The following GRM7 variants were observed in gnomAD, a reference collection of about 807,000 sequenced individuals.
GRM7 encodes the protein glutamate metabotropic receptor 7, also known as metabotropic glutamate receptor 7.
A neutral mutation model predicts 84.5 loss-of-function variants in GRM7; 35 were observed. The ratio of observed to expected loss-of-function variants is 0.41; its 90% CI spans 0.32 to 0.55. The LOEUF is 0.55. Among genes scored for constraint, GRM7 ranks in the 20% least tolerant of loss-of-function variants. The pLI, the probability that GRM7 is intolerant of heterozygous loss-of-function variation, is 0.19. For synonymous variants in GRM7, 487 were observed against 455.1 expected, an observed-to-expected ratio of 1.07 and a Z score of -0.89; for missense variants, 1,003 against 1,194.6, an observed-to-expected ratio of 0.84 and a Z score of 2.36.
chr3:7,221,804 A>ATTTTTTTTTTTTTTTTT (rs540956206), intron 2 of GRM7, among the ~76,000 whole-genome samples: 6 of 97,360 alleles, frequency 6.2e-5, no homozygotes, highest in Non-Finnish European at 1.0e-4. Context: ...AATTTCTTGT[A>ATTTTTTTTTTTTTTTTT]TTTTTTTTTT....
intron 2 of GRM7, among the ~76,000 whole-genome samples, chr3:7,276,413 C>T (rs74621429): frequency 0.036 from 5,501 of 151,786 alleles, 221 homozygotes; most frequent in African/African-American, 0.097. Context: ...AAATATGCAG[C>T]GGCCACTTAA....
chr3:7,260,061 T>C lies in GRM7; in HGVS notation c.737-38623T>C, dbSNP rs181466355. ...CAGTGATCAGTGATATTGAGCCTTC[T>C]TTCATGTGCTTTTTGGCCACATGTA... On this transcript the variant is annotated intron_variant, in intron 2 of 9. Transcript: ENST00000357716. Among the ~76,000 whole-genome samples the C allele has an allele frequency of 3.6e-3, 551 of 151,900 alleles. 1 individual carries two copies. The highest frequency in any genetic ancestry group is 0.013 in the African/African-American group (527 of 41,394).
chr3:7,256,592 A>C (rs1041700972), intron 2 of GRM7, among the ~76,000 whole-genome samples: 2 of 152,026 alleles, frequency 1.3e-5, no homozygotes, highest in African/African-American at 4.8e-5. Context: ...TTATCTGTGA[A>C]ACTATAGACT....
Position 7,203,127 on chromosome 3 carries a change from A to G in GRM7, c.736+56459A>G, listed in dbSNP as rs113353357. Among the ~76,000 whole-genome samples the G allele has an allele frequency of 5.6e-3, 847 of 151,912 alleles. 8 individuals carry two copies. The highest frequency in any genetic ancestry group is 0.019 in the African/African-American group (800 of 41,412). Reference sequence around the variant, plus strand: ...ATATCATTGCTAAGTATCATCACCCACTCTGTTATCAAACCTTGGAACTTA... The same window carrying G: ...ATATCATTGCTAAGTATCATCACCCGCTCTGTTATCAAACCTTGGAACTTA... On this transcript the variant is annotated intron_variant, in intron 2 of 9. Transcript: ENST00000357716.
intron 2 of GRM7, among the ~76,000 whole-genome samples, chr3:7,207,499 A>C (rs1428636373): frequency 6.6e-6 from 1 of 151,996 alleles, no homozygotes; most frequent in Non-Finnish European, 1.5e-5. Context: ...CTTCACATAC[A>C]CTGTCTTAAC....
intron 2 of GRM7, among the ~76,000 whole-genome samples, chr3:7,152,922 C>A (rs1471169441): frequency 6.6e-6 from 1 of 152,118 alleles, no homozygotes; most frequent in Non-Finnish European, 1.5e-5. Flanking sequence ...GCTAATCAGA[C>A]ATACCTATCA....
intron 8 of GRM7, among the ~76,000 whole-genome samples, chr3:7,616,078 G>T (rs1191209696): frequency 6.6e-6 from 1 of 152,044 alleles, no homozygotes; most frequent in Non-Finnish European, 1.5e-5. Context: ...GCTACTAGGA[G>T]AAGTGTCCTG....
intron 7 of GRM7, among the ~76,000 whole-genome samples, chr3:7,498,677 A>G (rs1699785167): frequency 6.6e-6 from 1 of 152,288 alleles, no homozygotes; most frequent in Middle Eastern, 3.4e-3. Flanking sequence ...TTTAACATAA[A>G]TTTCTTTTAT....
At position 6,980,787 on chromosome 3, in the gene GRM7, A is replaced by G. The variant is rs147120559; in HGVS notation, c.519+118880A>G. Among the ~76,000 whole-genome samples the G allele has an allele frequency of 4.7e-4, 71 of 152,312 alleles. 1 individual carries two copies. In the East Asian group the frequency reaches 0.013, roughly 28 times the overall value. ...GAGCTTCCCTGCTAGAGAAGGAAGAAAAGAACTTGCTTATTACCACAAAGA... is the reference window on the plus strand; with the variant it reads ...GAGCTTCCCTGCTAGAGAAGGAAGAGAAGAACTTGCTTATTACCACAAAGA... On this transcript the variant is annotated intron_variant, in intron 1 of 9. Transcript: ENST00000357716.
chr3:7,442,869 T>A (rs1243257507), intron 5 of GRM7, among the ~76,000 whole-genome samples: 1 of 152,176 alleles, frequency 6.6e-6, no homozygotes, highest in Non-Finnish European at 1.5e-5. Flanking sequence ...TAATTATTTA[T>A]ATCTGTATCC....
chr3:7,678,658 A>AT (rs1277229044), intron 8 of GRM7, among the ~76,000 whole-genome samples: 1 of 152,256 alleles, frequency 6.6e-6, no homozygotes, highest in African/African-American at 2.4e-5. Flanking sequence ...TTCATTATGT[A>AT]TTATAGTCAG....
At chr3:7,434,738 G>A (rs1696973199) in intron 5 of GRM7, among the ~76,000 whole-genome samples, 2 of 151,878 alleles carry the variant, frequency 1.3e-5, no homozygotes, top group African/African-American at 2.4e-5. Context: ...CATGAGTATT[G>A]GTTTATAGTT....
intron 1 of GRM7, among the ~76,000 whole-genome samples, chr3:6,976,756 T>G (rs1351797283): frequency 6.6e-6 from 1 of 152,152 alleles, no homozygotes; most frequent in East Asian, 1.9e-4. Flanking sequence ...CACTTTTTCT[T>G]TCAAGTGTGC....
chr3:7,467,411 G>A (rs1373911096), intron 7 of GRM7, among the ~76,000 whole-genome samples: 1 of 152,194 alleles, frequency 6.6e-6, no homozygotes, highest in African/African-American at 2.4e-5. Context: ...TTAGCCATGT[G>A]GTTTGCCCTG....
chr3:7,377,154 A>G (rs1032940102), intron 4 of GRM7, among the ~76,000 whole-genome samples: 1 of 152,230 alleles, frequency 6.6e-6, no homozygotes, highest in African/African-American at 2.4e-5. Context: ...CCTAAATGTA[A>G]TACTGTTCAA....
At chr3:7,177,537 G>A (rs983430931) in intron 2 of GRM7, among the ~76,000 whole-genome samples, 3 of 135,744 alleles carry the variant, frequency 2.2e-5, no homozygotes, top group African/African-American at 8.2e-5. Flanking sequence ...AAGGAGGGAG[G>A]AAGGGAGGGA....
At position 7,204,540 on chromosome 3, in the gene GRM7, T is replaced by C. The variant is rs572334468; in HGVS notation, c.736+57872T>C. Among the ~76,000 whole-genome samples, 6 of 152,360 alleles carry C rather than the reference T, an allele frequency of 3.9e-5. No homozygotes were observed. In the South Asian group the frequency reaches 6.2e-4, roughly 16 times the overall value. On this transcript the variant is annotated intron_variant, in intron 2 of 9. Transcript: ENST00000357716. ...CGTTAGCTTAGTCAGCTCTGGAGGT[T>C]AGGCTGGTTCTCCCTGAAGCACACA...
chr3:7,440,677 A>G (rs34450275), intron 5 of GRM7, among the ~76,000 whole-genome samples: 52,606 of 151,898 alleles, frequency 0.35, 10,701 homozygotes, highest in Non-Finnish European at 0.48. Flanking sequence ...CCCAGCCTCT[A>G]TTGTCCCCTT....
chr3:7,462,135 A>C (rs1002302393), intron 7 of GRM7, among the ~76,000 whole-genome samples: 1 of 152,018 alleles, frequency 6.6e-6, no homozygotes, highest in Non-Finnish European at 1.5e-5. Flanking sequence ...TATTTATGTG[A>C]GATTTGTAAT....
Sources: allele counts gnomAD v4.1 joint callset (sites outside exome capture counted in the v4.1 genomes callset), GRCh38; gene constraint gnomAD v4.1.1; transcripts MANE v1.5; gene names NCBI Gene and HGNC (gene_info 2026-07-23, HGNC 2026-07-21).